Variants in OSBPL9 observed in about 807,000 individuals in gnomAD.
OSBPL9 encodes the protein oxysterol-binding protein-related protein 9.
OSBPL9 carries 40 observed loss-of-function variants against 106.6 expected under a neutral mutation model. The observed-to-expected ratio is 0.38, with a 90% confidence interval of 0.29 to 0.49. OSBPL9 has a LOEUF of 0.49. OSBPL9 is among the 20% of genes least tolerant of loss of function. OSBPL9 has a pLI of 0.97. For missense variants in OSBPL9, 609 were observed against 887.2 expected (o/e 0.69, Z 3.98); for synonymous variants, 269 against 295.4 (o/e 0.91, Z 0.92).
At chr1:51,732,167 T>C (rs1446546011) in intron 4 of OSBPL9, among the ~76,000 whole-genome samples, 1 of 152,240 alleles carries the variant, frequency 6.6e-6, no homozygotes, top group Non-Finnish European at 1.5e-5. Flanking sequence ...GTTAGCACCA[T>C]GTTCTGCTGG....
At chr1:51,640,239 GT>G (rs1645702319) in intron 1 of OSBPL9, among the ~76,000 whole-genome samples, 3 of 152,272 alleles carry the variant, frequency 2.0e-5, no homozygotes, top group African/African-American at 7.2e-5. Flanking sequence ...CATTTACTTT[GT>G]AAACTCATAT....
intron 4 of OSBPL9, among the ~76,000 whole-genome samples, chr1:51,717,362 T>C (rs1393029538): frequency 6.6e-6 from 1 of 152,224 alleles, no homozygotes; most frequent in East Asian, 1.9e-4. Context: ...CTGCAAAATA[T>C]TAAGTTAAAA....
intron 3 of OSBPL9, among the ~76,000 whole-genome samples, chr1:51,701,832 G>A (rs1211643193): frequency 2.0e-5 from 3 of 151,942 alleles, no homozygotes; most frequent in East Asian, 1.9e-4. Context: ...AGTGTGTGAT[G>A]TTCCCCTTCC....
In OSBPL9 at chr1:51,756,374, T is replaced by A. The variant is rs1241273336; in HGVS notation, c.582+16T>A. ...TGGAATGATAGTAAGTTTAATGTAATCTTTTTGTTTCCCTTTACTTCTGCA... is the reference window on the plus strand; with the variant it reads ...TGGAATGATAGTAAGTTTAATGTAAACTTTTTGTTTCCCTTTACTTCTGCA... On this transcript the variant is annotated intron_variant, in intron 9 of 23. Coordinates refer to ENST00000428468, the MANE Select transcript of OSBPL9 (RefSeq NM_024586.6). 6.2e-7 allele frequency: 1 copy of A among 1,610,046 alleles called. No individual in the cohort carries two copies. Among genetic ancestry groups the A allele is most frequent in the East Asian group, 2.2e-5 (1 of 44,814 alleles).
At chr1:51,643,321 T>C (rs989076604) in intron 1 of OSBPL9, among the ~76,000 whole-genome samples, 1 of 152,228 alleles carries the variant, frequency 6.6e-6, no homozygotes, top group Non-Finnish European at 1.5e-5. Flanking sequence ...GGTTTTATTA[T>C]ATCCTTGTTA....
At chr1:51,646,390 G>A (rs923540010) in intron 1 of OSBPL9, among the ~76,000 whole-genome samples, 3 of 152,028 alleles carry the variant, frequency 2.0e-5, no homozygotes, top group African/African-American at 7.2e-5. Flanking sequence ...AAATGGAATT[G>A]TTTTCTTAGT....
intron 2 of OSBPL9, among the ~76,000 whole-genome samples, chr1:51,653,222 TG>T (rs1400990816): frequency 6.6e-6 from 1 of 152,248 alleles, no homozygotes; most frequent in Admixed American, 6.5e-5. Flanking sequence ...AATTTTCCTT[TG>T]GTTTCTCTTT....
chr1:51,563,352 T>C, the OSBPL9 span, among the ~76,000 whole-genome samples: 1 of 152,188 alleles, frequency 6.6e-6, no homozygotes, highest in Non-Finnish European at 1.5e-5. Context: ...TTTGACCACA[T>C]TCCTGTGACT....
intron 1 of OSBPL9, among the ~76,000 whole-genome samples, chr1:51,584,387 C>T (rs1224074314): frequency 6.6e-6 from 1 of 152,108 alleles, no homozygotes; most frequent in East Asian, 1.9e-4. Flanking sequence ...TCATTTTCCC[C>T]ATCTGTACAA....
intron 3 of OSBPL9, among the ~76,000 whole-genome samples, chr1:51,678,022 A>AG (rs1423756904): frequency 6.6e-6 from 1 of 151,734 alleles, no homozygotes; most frequent in African/African-American, 2.4e-5. Context: ...AAAAAAAAAA[A>AG]TGAAAAAACT....
the OSBPL9 span, among the ~76,000 whole-genome samples, chr1:51,543,232 T>C: frequency 1.3e-5 from 2 of 152,210 alleles, no homozygotes; most frequent in African/African-American, 2.4e-5. Context: ...GGATGGAAAT[T>C]AGTAAATGCC....
At chr1:51,625,296 C>CT (rs985576945) in intron 1 of OSBPL9, among the ~76,000 whole-genome samples, 2 of 152,038 alleles carry the variant, frequency 1.3e-5, no homozygotes, top group Non-Finnish European at 2.9e-5. Flanking sequence ...ATTAGATTTT[C>CT]TTTTTTTAAA....
chr1:51,551,967 ATGTGTGTG>A, the OSBPL9 span, among the ~76,000 whole-genome samples: 4 of 145,100 alleles, frequency 2.8e-5, no homozygotes, highest in African/African-American at 7.8e-5. Context: ...GTGAATAGAA[ATGTGTGTG>A]TGTGTGTGTG....
chr1:51,732,013 T>G (rs537145133), intron 4 of OSBPL9, among the ~76,000 whole-genome samples: 1 of 152,354 alleles, frequency 6.6e-6, no homozygotes, highest in Non-Finnish European at 1.5e-5. Flanking sequence ...ATATTTTTAA[T>G]GTGAAATTTT....
chr1:51,676,919 A>G (rs990493168), intron 3 of OSBPL9, among the ~76,000 whole-genome samples: 1 of 152,174 alleles, frequency 6.6e-6, no homozygotes, highest in Non-Finnish European at 1.5e-5. Flanking sequence ...TATTGCTACT[A>G]CCAAATATCT....
chr1:51,627,280 TG>T (rs1173391397), intron 1 of OSBPL9, among the ~76,000 whole-genome samples: 1 of 152,106 alleles, frequency 6.6e-6, no homozygotes, highest in Non-Finnish European at 1.5e-5. Context: ...GGATTATATG[TG>T]TGAGCCACTG....
At chr1:51,568,399 G>C in the OSBPL9 span, among the ~76,000 whole-genome samples, 1 of 152,130 alleles carries the variant, frequency 6.6e-6, no homozygotes, top group Non-Finnish European at 1.5e-5. Context: ...AGCATTGTTG[G>C]TATTCAAACC....
chr1:51,724,748 T>A (rs74080617), intron 4 of OSBPL9: 3,561 of 165,604 alleles, frequency 0.022, 77 homozygotes, highest in Middle Eastern at 0.085. Context: ...CTGTCAGGGT[T>A]TTTTGCTTGT....
chr1:51,576,029 T>C (rs1645181793), upstream of OSBPL9, among the ~76,000 whole-genome samples: 1 of 152,222 alleles, frequency 6.6e-6, no homozygotes, highest in Non-Finnish European at 1.5e-5. Flanking sequence ...CATAAGTAAT[T>C]GACTCTAACT....
Sources: gnomAD v4.1 joint callset for allele counts (sites outside exome capture counted in the v4.1 genomes callset) on GRCh38, gnomAD v4.1.1 for gene constraint, MANE v1.5 for transcripts, NCBI Gene and HGNC (gene_info 2026-07-23, HGNC 2026-07-21) for gene names.